Variants in MLF1 observed in about 807,000 individuals in gnomAD.
The protein encoded by MLF1 is myelodysplasia-myeloid leukemia factor 1.
A neutral mutation model predicts 38.3 loss-of-function variants in MLF1; 37 were observed. The ratio of observed to expected loss-of-function variants is 0.96; its 90% CI spans 0.74 to 1.27. MLF1 has a LOEUF of 1.27. Among genes scored for constraint, MLF1 ranks in the 50% most tolerant of loss-of-function variants. The pLI is 0.00. For synonymous variants in MLF1, 95 were observed against 106.5 expected, an observed-to-expected ratio of 0.89 and a Z score of 0.66; for missense variants, 331 against 349.2, an observed-to-expected ratio of 0.95 and a Z score of 0.42.
intron 1 of MLF1, among the ~76,000 whole-genome samples, chr3:158,580,869 T>A (rs1457379619): frequency 1.3e-5 from 2 of 151,954 alleles, no homozygotes; most frequent in Non-Finnish European, 2.9e-5. Flanking sequence ...GAGGATCAAT[T>A]GAGCTTAGGA....
chr3:158,581,552 A>G (rs1010936065), intron 1 of MLF1, among the ~76,000 whole-genome samples: 9 of 152,166 alleles, frequency 5.9e-5, no homozygotes, highest in Admixed American at 4.6e-4. Context: ...CTGTGAGTTA[A>G]TCTTATGACT....
At chr3:158,572,172 G>A (rs1386118228) in intron 1 of MLF1, among the ~76,000 whole-genome samples, 15 of 122,658 alleles carry the variant, frequency 1.2e-4, no homozygotes, top group Admixed American at 3.2e-4. Flanking sequence ...GAGGTGGGAG[G>A]AGGATTTGGG....
At chr3:158,584,108 C>A (rs1716838083) in intron 1 of MLF1, among the ~76,000 whole-genome samples, 1 of 152,116 alleles carries the variant, frequency 6.6e-6, no homozygotes, top group Non-Finnish European at 1.5e-5. Flanking sequence ...TGTTCGAAGA[C>A]CTTTAAAGTC....
At chr3:158,580,416 G>A (rs1340556369) in intron 1 of MLF1, among the ~76,000 whole-genome samples, 1 of 152,036 alleles carries the variant, frequency 6.6e-6, no homozygotes, top group African/African-American at 2.4e-5. Context: ...AACAAAAAAC[G>A]ACTCCCTTTC....
Sources: gnomAD v4.1 joint callset for allele counts (sites outside exome capture counted in the v4.1 genomes callset) on GRCh38, gnomAD v4.1.1 for gene constraint, MANE v1.5 for transcripts, NCBI Gene and HGNC (gene_info 2026-07-23, HGNC 2026-07-21) for gene names.